Variants in PPARGC1A observed in about 807,000 individuals in gnomAD.
PPARGC1A encodes peroxisome proliferator-activated receptor gamma coactivator 1-alpha.
PPARGC1A carries 25 observed loss-of-function variants against 88.7 expected under a neutral mutation model. The ratio of observed to expected loss-of-function variants is 0.28; its 90% confidence interval spans 0.21 to 0.39. The LOEUF is 0.39. Among genes scored for constraint, PPARGC1A ranks in the 10% least tolerant of loss-of-function variants. The pLI, the probability that PPARGC1A is intolerant of heterozygous loss-of-function variation, is 1.00. For missense variants in PPARGC1A, 880 were observed against 968.7 expected, an observed-to-expected ratio of 0.91 and a Z score of 1.22; for synonymous variants, 363 against 355.6, an observed-to-expected ratio of 1.02 and a Z score of -0.24.
the PPARGC1A span, among the ~76,000 whole-genome samples, chr4:24,312,609 G>A: frequency 6.9e-6 from 1 of 145,424 alleles, no homozygotes; most frequent in Non-Finnish European, 1.5e-5. Flanking sequence ...AATGTGGGGT[G>A]GGGGGGAAAA....
At chr4:23,937,648 A>G in the PPARGC1A span, among the ~76,000 whole-genome samples, 1 of 152,190 alleles carries the variant, frequency 6.6e-6, no homozygotes, top group Non-Finnish European at 1.5e-5. Flanking sequence ...CCAGAAAGGT[A>G]GAAATGTATT....
intron 1 of PPARGC1A, among the ~76,000 whole-genome samples, chr4:23,895,311 TA>T (rs1278470717): frequency 4.0e-5 from 6 of 151,660 alleles, no homozygotes; most frequent in Non-Finnish European, 4.4e-5. Flanking sequence ...TAAATATATA[TA>T]TTTTTTTCTT....
chr4:23,879,482 C>T (rs143948207), intron 2 of PPARGC1A, among the ~76,000 whole-genome samples: 5 of 152,294 alleles, frequency 3.3e-5, no homozygotes, highest in Admixed American at 1.3e-4. Context: ...TAACCAGGAA[C>T]GATATCCACG....
At chr4:23,839,750 G>T (rs189086134) in intron 2 of PPARGC1A, among the ~76,000 whole-genome samples, 1 of 152,070 alleles carries the variant, frequency 6.6e-6, no homozygotes, top group African/African-American at 2.4e-5. Flanking sequence ...TACAATCACC[G>T]TGGAAGGAAA....
At chr4:23,811,452 A>G (rs1041132992) in intron 10 of PPARGC1A, among the ~76,000 whole-genome samples, 3 of 152,234 alleles carry the variant, frequency 2.0e-5, no homozygotes, top group Non-Finnish European at 4.4e-5. Context: ...AAGCAGTGCT[A>G]TATCTCATTG....
At chr4:23,943,914 C>A in the PPARGC1A span, among the ~76,000 whole-genome samples, 1 of 151,954 alleles carries the variant, frequency 6.6e-6, no homozygotes, top group African/African-American at 2.4e-5. Context: ...CTACCAAATA[C>A]CTGACTAGTG....
At chr4:24,169,879 CA>C in the PPARGC1A span, among the ~76,000 whole-genome samples, 35 of 152,218 alleles carry the variant, frequency 2.3e-4, no homozygotes, top group Admixed American at 1.9e-3. Context: ...ATCCACATGA[CA>C]CATAAACTAT....
the PPARGC1A span, among the ~76,000 whole-genome samples, chr4:24,077,783 C>G: frequency 6.6e-6 from 1 of 151,786 alleles, no homozygotes; most frequent in African/African-American, 2.4e-5. Context: ...TCTCTTCCCT[C>G]CATTTTATCT....
At chr4:24,046,481 A>C in the PPARGC1A span, among the ~76,000 whole-genome samples, 1 of 152,086 alleles carries the variant, frequency 6.6e-6, no homozygotes, top group Admixed American at 6.5e-5. Flanking sequence ...TCACTTTGTT[A>C]ACTTGAATTT....
At chr4:24,359,543 T>C in the PPARGC1A span, among the ~76,000 whole-genome samples, 1 of 150,266 alleles carries the variant, frequency 6.7e-6, no homozygotes, top group African/African-American at 2.5e-5. Flanking sequence ...CTCAAAAAGA[T>C]ATATTCAAGT....
the PPARGC1A span, among the ~76,000 whole-genome samples, chr4:24,396,542 C>A: frequency 1.3e-5 from 2 of 152,170 alleles, no homozygotes; most frequent in South Asian, 2.1e-4. Context: ...ACATGGCTGT[C>A]TGTGAAGCAT....
At chr4:23,918,422 A>G in the PPARGC1A span, among the ~76,000 whole-genome samples, 7 of 152,118 alleles carry the variant, frequency 4.6e-5, no homozygotes, top group East Asian at 1.4e-3. Flanking sequence ...GGGTTTCACC[A>G]TGTTTGCCAA....
the PPARGC1A span, among the ~76,000 whole-genome samples, chr4:24,437,580 A>G: frequency 1.3e-5 from 2 of 150,380 alleles, no homozygotes; most frequent in South Asian, 2.1e-4. Context: ...TAAGTAAGGG[A>G]AAGGCACAGG....
At chr4:24,379,755 T>C in the PPARGC1A span, among the ~76,000 whole-genome samples, 251 of 151,824 alleles carry the variant, frequency 1.7e-3, no homozygotes, top group Middle Eastern at 0.017. Flanking sequence ...GTTTTATTTC[T>C]TTCTTTGAAC....
the PPARGC1A span, among the ~76,000 whole-genome samples, chr4:24,143,040 G>A: frequency 6.6e-6 from 1 of 152,112 alleles, no homozygotes; most frequent in Non-Finnish European, 1.5e-5. Flanking sequence ...AAGCAAGTAA[G>A]GACATTATCA....
chr4:23,875,680 A>G (rs1176051028), intron 2 of PPARGC1A: 1 of 152,158 alleles, frequency 6.6e-6, no homozygotes, highest in Non-Finnish European at 1.5e-5. Flanking sequence ...TTCTTCAGCT[A>G]AATCCCATTC....
the PPARGC1A span, among the ~76,000 whole-genome samples, chr4:24,140,124 G>C: frequency 6.2e-3 from 939 of 152,238 alleles, 31 homozygotes; most frequent in East Asian, 0.099. Context: ...ATGTCTGCTT[G>C]CCATCTATCT....
the PPARGC1A span, among the ~76,000 whole-genome samples, chr4:24,158,463 G>C: frequency 2.0e-5 from 3 of 152,158 alleles, no homozygotes; most frequent in Non-Finnish European, 2.9e-5. Context: ...AGTATTTGTT[G>C]AATCTCTAAA....
At chr4:23,904,578 G>A (rs1189936249), upstream of PPARGC1A, among the ~76,000 whole-genome samples, 2 of 152,124 alleles carry the variant, frequency 1.3e-5, no homozygotes, top group Non-Finnish European at 2.9e-5. Context: ...CATTTATTTG[G>A]AATACGTTGT....
Sources: gnomAD v4.1 joint callset for allele counts (sites outside exome capture counted in the v4.1 genomes callset) on GRCh38, gnomAD v4.1.1 for gene constraint, MANE v1.5 for transcripts, NCBI Gene and HGNC (gene_info 2026-07-23, HGNC 2026-07-21) for gene names.